Variants in BBS7 observed in about 807,000 individuals in gnomAD.
BBS7 encodes the protein Bardet-Biedl syndrome 7, also known as BBSome complex member BBS7.
In BBS7, 50 loss-of-function variants were observed where a neutral mutation model predicts 90.3. The observed-to-expected ratio is 0.55, with a 90% confidence interval of 0.44 to 0.70. The LOEUF is 0.70. BBS7 is among the 30% of genes least tolerant of loss of function. BBS7 has a pLI of 0.00. For missense variants in BBS7, 729 were observed against 838.9 expected (o/e 0.87, Z 1.62); for synonymous variants, 235 against 287.4 (o/e 0.82, Z 1.85).
intron 14 of BBS7, among the ~76,000 whole-genome samples, chr4:121,833,933 G>A (rs944722291): frequency 6.6e-6 from 1 of 152,052 alleles, no homozygotes; most frequent in Non-Finnish European, 1.5e-5. Flanking sequence ...AATCAGTATA[G>A]TGTGAAGGCA....
chr4:121,844,101 T>C (rs1725878569), intron 11 of BBS7, 100 bp from the exon 12 acceptor site: 12 of 730,036 alleles, frequency 1.6e-5, no homozygotes, highest in South Asian at 6.8e-5. Flanking sequence ...CTAGTTTATA[T>C]TCATCTTTAA....
intron 10 of BBS7, 50 bp downstream of exon 10, chr4:121,847,354 C>A: frequency 8.2e-7 from 1 of 1,224,372 alleles, no homozygotes; most frequent in Non-Finnish European, 1.2e-6. Flanking sequence ...AAGCAACAAC[C>A]ACACACTTCA....
At position 121,857,031 on chromosome 4, in the gene BBS7, A is replaced by C. The variant is rs1489933558; in HGVS notation, c.529-1470T>G. On this transcript the variant is annotated intron_variant, in intron 5 of 18. Transcript: ENST00000264499. ...TGATCCATCTGCCTCAGCCTCCCAC[A>C]GTGCTGGGATTACAGGCGTGAGCCA... is the stretch of plus-strand genomic sequence containing the variant. Among the ~76,000 whole-genome samples the C allele has an allele frequency of 2.6e-5, 4 of 152,074 alleles. No individual in the cohort carries two copies. The East Asian group carries it at 7.7e-4, about 29-fold the overall frequency.
chr4:121,868,683 T>C, intron 1 of BBS7, among the ~76,000 whole-genome samples: 1 of 17,600 alleles, frequency 5.7e-5, no homozygotes, highest in South Asian at 2.6e-3. Context: ...AGACCCTGTT[T>C]CAAAAAAAAA....
At chr4:121,855,309 C>G (rs1371018928) in intron 6 of BBS7, 180 bp downstream of exon 6, 1 of 587,004 alleles carries the variant, frequency 1.7e-6, no homozygotes, top group East Asian at 3.4e-5. Context: ...CCCTGCCCCC[C>G]AGCCCCCCAA....
chr4:121,831,794 T>C (rs1025908363), intron 15 of BBS7, among the ~76,000 whole-genome samples: 2 of 152,172 alleles, frequency 1.3e-5, no homozygotes, highest in Non-Finnish European at 1.5e-5. Flanking sequence ...GGTAAAATTA[T>C]GTTTTTAGAA....
intron 1 of BBS7, 141 bp from the exon 2 acceptor site, chr4:121,868,187 T>G (rs1727388821): frequency 1.3e-6 from 1 of 753,932 alleles, no homozygotes; most frequent in Non-Finnish European, 2.3e-6. Context: ...TAATGAGATA[T>G]GTCATATTAG....
chr4:121,830,013 A>G (rs1381110352), intron 15 of BBS7, among the ~76,000 whole-genome samples: 1 of 152,226 alleles, frequency 6.6e-6, no homozygotes, highest in Non-Finnish European at 1.5e-5. Context: ...AAGTTTCCTA[A>G]TTAATATATA....
chr4:121,858,849 A>G (rs893535423), intron 5 of BBS7, 143 bp downstream of exon 5: 7 of 771,530 alleles, frequency 9.1e-6, no homozygotes, highest in African/African-American at 7.1e-5. Context: ...AAAAAAATTA[A>G]TATGTCAAAT....
rs1726814521 is a variant in BBS7, at chr4:121,858,675, G to A, written c.528+317C>T. 5 of 260,984 alleles carry A rather than the reference G, an allele frequency of 1.9e-5. No individual in the cohort carries two copies. In the South Asian group the frequency reaches 2.0e-4, roughly 10 times the overall value. 16.2% of individuals were successfully genotyped at this position (260,984 alleles called of 1,614,324 possible). ...GATTTTTGGGGAAGATAAAGGTGAT[G>A]GAAGAAGAAAACAAAACAAAAAGGC... On this transcript the variant is annotated intron_variant, in intron 5 of 18. Transcript: ENST00000264499.
At chr4:121,840,113 T>C (rs181285636) in intron 12 of BBS7, among the ~76,000 whole-genome samples, 9 of 152,326 alleles carry the variant, frequency 5.9e-5, no homozygotes, top group Middle Eastern at 6.8e-3. Flanking sequence ...ATAATTCCCA[T>C]GTGTTGTGGG....
intron 11 of BBS7, among the ~76,000 whole-genome samples, chr4:121,844,772 G>T (rs1725918919): frequency 6.6e-6 from 1 of 151,600 alleles, no homozygotes; most frequent in African/African-American, 2.4e-5. Flanking sequence ...TCTCTACTTT[G>T]CCTGTTGACC....
At chr4:121,838,903 C>CA (rs35360596) in intron 13 of BBS7, among the ~76,000 whole-genome samples, 2,920 of 103,600 alleles carry the variant, frequency 0.028, 43 homozygotes, top group South Asian at 0.081. Context: ...GACTCCATCT[C>CA]AAAAAAAAAA....
chr4:121,843,131 C>T (rs1725827341), intron 12 of BBS7, among the ~76,000 whole-genome samples: 1 of 152,042 alleles, frequency 6.6e-6, no homozygotes, highest in Non-Finnish European at 1.5e-5. Context: ...GGGGTGGTAG[C>T]AGCCGGTGAG....
intron 13 of BBS7, among the ~76,000 whole-genome samples, chr4:121,839,033 G>A (rs889130522): frequency 3.3e-5 from 5 of 151,936 alleles, no homozygotes; most frequent in African/African-American, 1.2e-4. Flanking sequence ...TAGTGTTGTA[G>A]TTATGTTTTA....
At chr4:121,834,182 T>C (rs1374714593) in intron 14 of BBS7, among the ~76,000 whole-genome samples, 1 of 152,148 alleles carries the variant, frequency 6.6e-6, no homozygotes, top group Non-Finnish European at 1.5e-5. Context: ...AAATGAAAAG[T>C]TCGGACCAAT....
In BBS7 at chr4:121,825,621, A is replaced by G; in HGVS notation, c.*239T>C. 1 of 383,690 alleles carries G rather than the reference A, an allele frequency of 2.6e-6. No homozygotes were observed. The highest frequency in any genetic ancestry group is 4.6e-6 in the Non-Finnish European group (1 of 218,086). The allele number at this position is 383,690 out of a possible 1,614,324, so 23.8% of individuals were successfully genotyped here. ...AACAGCCACTTGCCAAAAATTCATT[A>G]AAATCCTATTTAAATCATTCTACTT... On this transcript the variant is annotated 3_prime_UTR_variant, in exon 19 of 19. Coordinates refer to ENST00000264499, the MANE Select transcript of BBS7 (RefSeq NM_176824.3).
chr4:121,862,694 A>G (rs941641880), intron 3 of BBS7, among the ~76,000 whole-genome samples: 1 of 152,354 alleles, frequency 6.6e-6, no homozygotes, highest in Admixed American at 6.5e-5. Flanking sequence ...TGTTGTGAGA[A>G]GGACTGTAAG....
At chr4:121,856,709 C>CA (rs1037267798) in intron 5 of BBS7, among the ~76,000 whole-genome samples, 18 of 139,736 alleles carry the variant, frequency 1.3e-4, no homozygotes, top group South Asian at 4.6e-4. Context: ...GACTCCATCT[C>CA]AAAAAAAAAA....
Sources: gnomAD v4.1 joint callset for allele counts (sites outside exome capture counted in the v4.1 genomes callset) on GRCh38, gnomAD v4.1.1 for gene constraint, MANE v1.5 for transcripts, NCBI Gene and HGNC (gene_info 2026-07-23, HGNC 2026-07-21) for gene names.